Variants in GEMIN2 observed in about 807,000 individuals in gnomAD.
GEMIN2 encodes the protein gem-associated protein 2.
A neutral mutation model predicts 45.8 loss-of-function variants in GEMIN2; 37 were observed. The ratio of observed to expected loss-of-function variants is 0.81; its 90% CI spans 0.62 to 1.06. GEMIN2 has a LOEUF of 1.06. GEMIN2 is among the 50% of genes least tolerant of loss of function. The pLI is 0.00. For missense variants in GEMIN2, 335 were observed against 321.8 expected (o/e 1.04, Z -0.31); for synonymous variants, 101 against 111.5 (o/e 0.91, Z 0.60).
chr14:39,128,175 T>C (rs2052668555), intron 6 of GEMIN2, 105 bp from the exon 7 acceptor site: 1 of 695,128 alleles, frequency 1.4e-6, no homozygotes. Context: ...AATGAGGCCA[T>C]TTTTAACATC....
Position 39,133,701 on chromosome 14 carries a change from TA to T in GEMIN2, c.754del (p.Ile252SerfsTer13). The T allele has an allele frequency of 6.5e-7, 1 of 1,544,196 alleles. No individual in the cohort carries two copies. Among genetic ancestry groups the T allele is most frequent in the Non-Finnish European group, 8.8e-7 (1 of 1,137,034 alleles). On this transcript the variant is annotated frameshift_variant, in exon 9 of 10. Transcript: ENST00000308317. LOFTEE classifies it high-confidence loss of function. ...GAGAGGGTTCCTGCTTTGAATTTATTAATCTGCTTGGTTAGCAGGTATAGTT... is the reference window on the plus strand; with the variant it reads ...GAGAGGGTTCCTGCTTTGAATTTATTATCTGCTTGGTTAGCAGGTATAGTT... The part of the protein sequence containing the change: ...DDERVPALNL[L>X]ICLVSRYFDQ...
chr14:39,128,368 T>C lies in GEMIN2; in HGVS notation c.600+20T>C, dbSNP rs1474714317. ...GAATTGGTAGTATTGCATGTTTTTCTTTTCATAATGTAGGCAAAAATTAGA... is the reference window on the plus strand; with the variant it reads ...GAATTGGTAGTATTGCATGTTTTTCCTTTCATAATGTAGGCAAAAATTAGA... On this transcript the variant is annotated intron_variant, in intron 7 of 9. Coordinates refer to ENST00000308317, the MANE Select transcript of GEMIN2 (RefSeq NM_003616.3). 2.1e-6 allele frequency: 3 copies of C among 1,427,436 alleles called. No individual in the cohort carries two copies. Among genetic ancestry groups the C allele is most frequent in the Non-Finnish European group, 2.9e-6 (3 of 1,018,550 alleles). 88.4% of individuals were successfully genotyped at this position (1,427,436 alleles called of 1,614,324 possible). A position where few individuals can be genotyped will look rare whatever the true frequency, so the allele number is the denominator to read the frequency against.
At chr14:39,125,881 G>A (rs1224510409) in intron 6 of GEMIN2, among the ~76,000 whole-genome samples, 3 of 152,048 alleles carry the variant, frequency 2.0e-5, no homozygotes, top group African/African-American at 7.2e-5. Context: ...TTAGCTGGAT[G>A]TGGAGGTGTG....
Position 39,118,015 on chromosome 14 carries a change from C to A in GEMIN2, c.239C>A (p.Pro80His), listed in dbSNP as rs143568851. ...SVNISLSGCQ[P>H]APEGYSPTLQ... ...GATCTCTAGCTTTCAGGATGCCAAC[C>A]CGCCCCTGAAGGTTATTCCCCAACA... The change falls in exon 3 of 10, where the codon CCC (proline) becomes CAC (histidine). Residue 80 changes from proline to histidine, a missense_variant. Coordinates refer to ENST00000308317, the MANE Select transcript of GEMIN2 (RefSeq NM_003616.3). 28 of 1,600,688 alleles carry A rather than the reference C, an allele frequency of 1.7e-5. No homozygotes were observed. The Admixed American group carries it at 3.6e-4, about 20-fold the overall frequency.
chr14:39,128,450 C>T, intron 7 of GEMIN2, 102 bp downstream of exon 7: 9 of 492,430 alleles, frequency 1.8e-5, no homozygotes, highest in South Asian at 9.0e-5. Flanking sequence ...GATTATAATA[C>T]TGTATTTTTA....
intron 4 of GEMIN2, 67 bp from the exon 5 acceptor site, chr14:39,122,363 T>TG: frequency 1.3e-6 from 1 of 798,730 alleles, no homozygotes; most frequent in East Asian, 2.6e-5. Context: ...CTTAACTTCT[T>TG]TTTTTTTACT....
intron 4 of GEMIN2, among the ~76,000 whole-genome samples, chr14:39,121,184 T>C (rs1283463474): frequency 6.6e-6 from 1 of 152,176 alleles, no homozygotes; most frequent in East Asian, 1.9e-4. Flanking sequence ...GTCTTTATCA[T>C]CCTCTTTTGG....
At chr14:39,129,934 G>T (rs911149295) in intron 7 of GEMIN2, among the ~76,000 whole-genome samples, 77 of 61,456 alleles carry the variant, frequency 1.3e-3, no homozygotes, top group Non-Finnish European at 1.6e-3. Context: ...AGACAAGTTT[G>T]TTTTTTTTTT....
chr14:39,124,928 T>C (rs2052620985), intron 5 of GEMIN2, 64 bp from the exon 6 acceptor site: 3 of 822,178 alleles, frequency 3.6e-6, no homozygotes, highest in Admixed American at 2.1e-5. Flanking sequence ...ATTCACCAGT[T>C]TGAAAAAAAA....
At chr14:39,122,680 T>C (rs2052588527) in intron 5 of GEMIN2, 137 bp downstream of exon 5, 2 of 492,362 alleles carry the variant, frequency 4.1e-6, no homozygotes, top group Non-Finnish European at 7.3e-6. Flanking sequence ...AGGATTGTTT[T>C]TAGGTTTTGA....
intron 2 of GEMIN2, among the ~76,000 whole-genome samples, chr14:39,115,567 G>A (rs528784656): frequency 2.7e-5 from 4 of 146,906 alleles, no homozygotes; most frequent in Non-Finnish European, 3.0e-5. Context: ...AGCGATTACC[G>A]TGCCTCAGCC....
chr14:39,127,964 G>A (rs1052443303), intron 6 of GEMIN2, among the ~76,000 whole-genome samples: 9 of 151,392 alleles, frequency 5.9e-5, no homozygotes, highest in African/African-American at 2.2e-4. Context: ...GCTACTCAGG[G>A]GGCTGAGGCA....
rs768961662 is a variant in GEMIN2 at position 39,128,295 on chromosome 14, G to A, written c.547G>A (p.Val183Ile). The A allele has an allele frequency of 9.0e-6, 14 of 1,557,280 alleles. No individual in the cohort carries two copies. Among genetic ancestry groups the A allele is most frequent in the Admixed American group, 1.7e-5 (1 of 58,132 alleles). Residue 183 changes from valine to isoleucine, a missense_variant, in exon 7 of 10, where the codon GTC becomes ATC. Coordinates refer to ENST00000308317, the MANE Select transcript of GEMIN2 (RefSeq NM_003616.3). Reference protein sequence around the residue: ...SRMNQATVTSVLEYLSNWFGE... With the variant: ...SRMNQATVTSILEYLSNWFGE... ...TTTTTTTTAGGCAACAGTAACTAGT[G>A]TCTTGGAATATCTGAGTAATTGGTT...
Position 39,121,708 on chromosome 14 carries a change from TTTTG to T in GEMIN2, c.373-706_373-703del, listed in dbSNP as rs146781757. On this transcript the variant is annotated intron_variant, in intron 4 of 9. Transcript: ENST00000308317. Reference sequence around the variant, plus strand: ...CAAGGTGGCAGCAAGGTTGGTCTCTTTTTGTTTGTTTGTTTGTTTTTTGAGGCAG... The same window carrying T: ...CAAGGTGGCAGCAAGGTTGGTCTCTTTTTGTTTGTTTGTTTTTTGAGGCAG... 6.8e-3 allele frequency among the ~76,000 whole-genome samples: 1,028 copies of T among 152,098 alleles called. 10 individuals carry two copies. Among genetic ancestry groups the T allele is most frequent in the African/African-American group, 0.022 (926 of 41,498 alleles).
rs7152736 is a variant in GEMIN2 at position 39,131,918 on chromosome 14, A to T, written c.601-40A>T. 3 of 913,974 alleles carry T rather than the reference A, an allele frequency of 3.3e-6. No homozygotes were observed. In the African/African-American group the frequency reaches 4.9e-5, roughly 15 times the overall value. 56.6% of individuals were successfully genotyped at this position (913,974 alleles called of 1,614,324 possible). A position where few individuals can be genotyped will look rare whatever the true frequency, so the allele number is the denominator to read the frequency against. The stretch of plus-strand genomic sequence containing the variant: ...CATTTAAAAAATAAACTTCTGGTTC[A>T]GTATTTGTCTAAATATTAATTTTTT... On this transcript the variant is annotated intron_variant, in intron 7 of 9. Transcript: ENST00000308317.
intron 8 of GEMIN2, among the ~76,000 whole-genome samples, chr14:39,132,975 G>GGT (rs67749459): frequency 0.016 from 2,283 of 140,272 alleles, 23 homozygotes; most frequent in Non-Finnish European, 0.022. Context: ...TACTGCACCT[G>GGT]GTGTGTGTGT....
chr14:39,135,758 T>C (rs773812451), intron 9 of GEMIN2, among the ~76,000 whole-genome samples: 1 of 152,306 alleles, frequency 6.6e-6, no homozygotes, highest in Admixed American at 6.5e-5. Flanking sequence ...TTTAATCTTA[T>C]AATTACATAA....
chr14:39,123,603 G>C (rs17108834), intron 5 of GEMIN2, among the ~76,000 whole-genome samples: 10,158 of 145,338 alleles, frequency 0.07, 1,170 homozygotes, highest in African/African-American at 0.24. Flanking sequence ...TCAAATCTTA[G>C]GGAAGTTAAT....
In GEMIN2 at chr14:39,132,028, G is replaced by A. The variant is rs2052723985; in HGVS notation, c.671G>A (p.Arg224Gln). ...PLLPEAHSLI[R>Q]QLARRCSEVR... ...TTACCTGAGGCTCATTCACTGATTC[G>A]GCAGCTTGCAAGAAGGTGCTCTGAA... The change falls in exon 8 of 10, where the codon CGG (arginine) becomes CAG (glutamine). Residue 224 changes from arginine to glutamine, a missense_variant. Arg to Gln is a conservative substitution (Grantham distance 43). Coordinates refer to ENST00000308317, the MANE Select transcript of GEMIN2 (RefSeq NM_003616.3). 3.1e-6 allele frequency: 5 copies of A among 1,600,742 alleles called. No individual in the cohort carries two copies. The highest frequency in any genetic ancestry group is 1.3e-5 in the African/African-American group (1 of 74,396).
Sources: allele counts gnomAD v4.1 joint callset (sites outside exome capture counted in the v4.1 genomes callset), GRCh38; gene constraint gnomAD v4.1.1; transcripts MANE v1.5; gene names NCBI Gene and HGNC (gene_info 2026-07-23, HGNC 2026-07-21).